MACROD2: variants seen among roughly 807,000 people sequenced by gnomAD.
The protein encoded by MACROD2 is ADP-ribose glycohydrolase MACROD2.
In MACROD2, 36 loss-of-function variants were observed where a neutral mutation model predicts 70.4. The ratio of observed to expected loss-of-function variants is 0.51; its 90% CI spans 0.39 to 0.68. The LOEUF is 0.68. Ranked by LOEUF, MACROD2 falls within the 30% of genes least tolerant of loss-of-function variation. The pLI is 0.00. For missense variants in MACROD2, 496 were observed against 538.4 expected, an observed-to-expected ratio of 0.92 and a Z score of 0.78; for synonymous variants, 172 against 178.8, an observed-to-expected ratio of 0.96 and a Z score of 0.30.
At chr20:14,071,872 C>A (rs2053848271) in intron 2 of MACROD2, among the ~76,000 whole-genome samples, 1 of 151,938 alleles carries the variant, frequency 6.6e-6, no homozygotes, top group Admixed American at 6.6e-5. Context: ...GAGTTCAAGA[C>A]CAGCCTGGGC....
intron 15 of MACROD2, among the ~76,000 whole-genome samples, chr20:15,991,592 T>C (rs1056659085): frequency 6.6e-6 from 1 of 152,252 alleles, no homozygotes; most frequent in Non-Finnish European, 1.5e-5. Flanking sequence ...AGGCATATTT[T>C]TGATTCATGC....
intron 4 of MACROD2, among the ~76,000 whole-genome samples, chr20:14,583,782 A>G (rs188251081): frequency 2.0e-4 from 31 of 152,232 alleles, no homozygotes; most frequent in Admixed American, 2.0e-3. Context: ...TAAGAGATAG[A>G]CAAATATAAA....
chr20:15,034,478 C>T (rs915096641), intron 5 of MACROD2, among the ~76,000 whole-genome samples: 4 of 152,048 alleles, frequency 2.6e-5, no homozygotes, highest in Non-Finnish European at 2.9e-5. Flanking sequence ...GTTTAGGGTA[C>T]TTTGAAGAGG....
chr20:14,929,260 C>A (rs546090661), intron 5 of MACROD2: 1 of 152,154 alleles, frequency 6.6e-6, no homozygotes, highest in Non-Finnish European at 1.5e-5. Context: ...GATCATAAGC[C>A]TGGGCTCCCT....
intron 3 of MACROD2, among the ~76,000 whole-genome samples, chr20:14,392,480 T>C (rs1267002381): frequency 6.6e-6 from 1 of 152,196 alleles, no homozygotes; most frequent in Admixed American, 6.5e-5. Flanking sequence ...AATGACTTAG[T>C]ATGCAGAAGC....
intron 5 of MACROD2, among the ~76,000 whole-genome samples, chr20:14,952,667 TA>T (rs111517506): frequency 0.011 from 1,610 of 152,260 alleles, 31 homozygotes; most frequent in African/African-American, 0.037. Flanking sequence ...GTATTTGTGA[TA>T]TTTCTATCAT....
chr20:16,011,275 G>A (rs1043561352), intron 15 of MACROD2, among the ~76,000 whole-genome samples: 3 of 152,348 alleles, frequency 2.0e-5, no homozygotes, highest in Admixed American at 2.0e-4. Context: ...AATGGCACCA[G>A]CTGCACATGG....
intron 13 of MACROD2, among the ~76,000 whole-genome samples, chr20:15,968,790 A>T (rs2066180863): frequency 8.1e-6 from 1 of 123,108 alleles, no homozygotes; most frequent in Non-Finnish European, 1.7e-5. Context: ...AATATTATAT[A>T]TTATGCGTAT....
intron 2 of MACROD2, among the ~76,000 whole-genome samples, chr20:14,077,461 G>C (rs2053929034): frequency 6.6e-6 from 1 of 152,092 alleles, no homozygotes. Flanking sequence ...AGTTTTCTTT[G>C]TAAAAGTGTA....
In MACROD2 at chr20:14,558,606, T is replaced by A. The variant is rs987057062; in HGVS notation, c.301+65098T>A. On this transcript the variant is annotated intron_variant, in intron 4 of 17. Transcript: ENST00000684519. ...GAGCTAAAGAGAGACATTGTATAATTATAAAAAGAACAATTTATCAGGAAA... is the reference window on the plus strand; with the variant it reads ...GAGCTAAAGAGAGACATTGTATAATAATAAAAAGAACAATTTATCAGGAAA... Among the ~76,000 whole-genome samples the A allele has an allele frequency of 1.7e-4, 26 of 151,876 alleles. No homozygotes were observed. In the South Asian group the frequency reaches 3.1e-3, roughly 18 times the overall value.
At chr20:14,864,693 G>A (rs2073408849) in intron 5 of MACROD2, among the ~76,000 whole-genome samples, 1 of 152,050 alleles carries the variant, frequency 6.6e-6, no homozygotes, top group African/African-American at 2.4e-5. Context: ...GCCAGCTGGA[G>A]GAATTTTAGT....
chr20:14,643,640 A>G (rs929808661), intron 4 of MACROD2, among the ~76,000 whole-genome samples: 1 of 152,176 alleles, frequency 6.6e-6, no homozygotes, highest in Non-Finnish European at 1.5e-5. Context: ...GAAAGAGGAA[A>G]AGAAAGGAGA....
chr20:15,157,577 G>A (rs1255534549), intron 5 of MACROD2, among the ~76,000 whole-genome samples: 1 of 152,010 alleles, frequency 6.6e-6, no homozygotes, highest in East Asian at 1.9e-4. Flanking sequence ...TTGATTATTT[G>A]TTCTCTTTCT....
intron 5 of MACROD2, among the ~76,000 whole-genome samples, chr20:14,978,884 A>T (rs367619784): frequency 1.4e-3 from 16 of 11,824 alleles, no homozygotes; most frequent in African/African-American, 2.0e-3. Context: ...TAATATATAA[A>T]ATATATATAT....
intron 8 of MACROD2, among the ~76,000 whole-genome samples, chr20:15,687,897 A>G (rs1297582966): frequency 1.3e-5 from 2 of 152,124 alleles, no homozygotes; most frequent in African/African-American, 2.4e-5. Context: ...CTGGTTGCTC[A>G]TCTGTTGGTT....
chr20:14,335,725 T>C (rs2082923722), intron 3 of MACROD2, among the ~76,000 whole-genome samples: 1 of 152,170 alleles, frequency 6.6e-6, no homozygotes, highest in South Asian at 2.1e-4. Context: ...TGTTTATTCA[T>C]TCACTAATAT....
chr20:15,945,604 A>T (rs1015198760), intron 12 of MACROD2, among the ~76,000 whole-genome samples: 1 of 152,232 alleles, frequency 6.6e-6, no homozygotes, highest in East Asian at 1.9e-4. Context: ...CCAATAGGCT[A>T]TAGCAATTCA....
intron 5 of MACROD2, among the ~76,000 whole-genome samples, chr20:14,872,544 T>G (rs2073500883): frequency 1.3e-5 from 2 of 152,118 alleles, no homozygotes; most frequent in Admixed American, 1.3e-4. Context: ...GTGGTATGAA[T>G]AGCTTTTGGT....
At position 16,051,329 on chromosome 20, in the gene MACROD2, C is replaced by G. The variant is rs1270761064; in HGVS notation, c.*1453C>G. The G allele has an allele frequency of 6.6e-6, 1 of 152,160 alleles. No individual in the cohort carries two copies. Among genetic ancestry groups the G allele is most frequent in the African/African-American group, 2.4e-5 (1 of 41,436 alleles). 9.4% of individuals were successfully genotyped at this position (152,160 alleles called of 1,614,324 possible). A position where few individuals can be genotyped will look rare whatever the true frequency, so the allele number is the denominator to read the frequency against. On this transcript the variant is annotated 3_prime_UTR_variant, in exon 18 of 18. Transcript: ENST00000684519. ...ATGTTCTGCTTTCTAAATATCCCAT[C>G]AAAATCTTCAGTTTTGCACTTTTTT...
Sources: gnomAD v4.1 joint callset for allele counts (sites outside exome capture counted in the v4.1 genomes callset) on GRCh38, gnomAD v4.1.1 for gene constraint, MANE v1.5 for transcripts, NCBI Gene and HGNC (gene_info 2026-07-23, HGNC 2026-07-21) for gene names.